The following FAM227B variants were observed in gnomAD, a reference collection of about 807,000 sequenced individuals.
FAM227B encodes the protein protein FAM227B.
In FAM227B, 88 loss-of-function variants were observed where a neutral mutation model predicts 73.8. The ratio of observed to expected loss-of-function variants is 1.19; its 90% CI spans 1.00 to 1.42. The LOEUF is 1.42. Among genes scored for constraint, FAM227B ranks in the 40% most tolerant of loss-of-function variants. FAM227B has a pLI of 0.00. For missense variants in FAM227B, 632 were observed against 590.9 expected, an observed-to-expected ratio of 1.07 and a Z score of -0.72; for synonymous variants, 210 against 190.5, an observed-to-expected ratio of 1.10 and a Z score of -0.84.
At chr15:49,434,681 T>TA (rs1328201380) in intron 11 of FAM227B, 2 of 151,598 alleles carry the variant, frequency 1.3e-5, no homozygotes, top group African/African-American at 4.8e-5. Flanking sequence ...ATTAAAAATA[T>TA]AAGAACATTT....
intron 11 of FAM227B, among the ~76,000 whole-genome samples, chr15:49,394,520 T>G (rs1217473102): frequency 4.6e-5 from 7 of 152,140 alleles, no homozygotes. Flanking sequence ...CTGACAGAAT[T>G]AAGGCCGATT....
chr15:49,615,648 T>C (rs564537632), intron 1 of FAM227B, among the ~76,000 whole-genome samples: 2 of 152,304 alleles, frequency 1.3e-5, no homozygotes, highest in African/African-American at 4.8e-5. Context: ...CTGTACAGCC[T>C]GTGGAACTGT....
At chr15:49,436,086 G>C (rs1486299513) in intron 11 of FAM227B, among the ~76,000 whole-genome samples, 1 of 151,384 alleles carries the variant, frequency 6.6e-6, no homozygotes, top group East Asian at 1.9e-4. Context: ...TCAGGAAACT[G>C]GCCAGCTTAA....
At chr15:49,542,643 T>A (rs1290490274) in intron 9 of FAM227B, among the ~76,000 whole-genome samples, 2 of 151,718 alleles carry the variant, frequency 1.3e-5, no homozygotes, top group Non-Finnish European at 2.9e-5. Flanking sequence ...TGCAGCTCCA[T>A]CCAGGTTGCT....
intron 11 of FAM227B, among the ~76,000 whole-genome samples, chr15:49,442,553 TC>T (rs1190916035): frequency 2.0e-5 from 3 of 151,734 alleles, no homozygotes; most frequent in African/African-American, 7.3e-5. Flanking sequence ...CTTTTCCAAT[TC>T]CCTTGTCACT....
intron 11 of FAM227B, among the ~76,000 whole-genome samples, chr15:49,432,034 A>G (rs2050668298): frequency 1.3e-5 from 2 of 151,738 alleles, no homozygotes; most frequent in Non-Finnish European, 3.0e-5. Context: ...AACTGTAATA[A>G]TCTTTGCTTA....
intron 9 of FAM227B, among the ~76,000 whole-genome samples, chr15:49,564,534 T>C (rs1170833767): frequency 1.3e-5 from 2 of 152,160 alleles, no homozygotes; most frequent in Non-Finnish European, 2.9e-5. Context: ...AAGACACATG[T>C]ACTTGTATGT....
chr15:49,393,556 A>T lies in FAM227B; in HGVS notation c.1013-22157T>A, dbSNP rs377682488. Among the ~76,000 whole-genome samples, 4 of 152,290 alleles carry T rather than the reference A, an allele frequency of 2.6e-5. No homozygotes were observed. The East Asian group carries it at 7.7e-4, about 29-fold the overall frequency. The stretch of plus-strand genomic sequence containing the variant: ...TAACAATATGCCTTAAAATAAGTCC[A>T]TATACCAAGATCAAATCTGCAAAAT... On this transcript the variant is annotated intron_variant, in intron 11 of 15. Transcript: ENST00000299338.
At chr15:49,547,066 G>A (rs924862449) in intron 9 of FAM227B, among the ~76,000 whole-genome samples, 2 of 152,204 alleles carry the variant, frequency 1.3e-5, no homozygotes, top group Non-Finnish European at 2.9e-5. Flanking sequence ...AAGCCCATCA[G>A]ACTAACAGCG....
rs766736019 is a variant in FAM227B at position 49,575,066 on chromosome 15, G to A, written c.590C>T (p.Ala197Val). The A allele has an allele frequency of 1.9e-6, 3 of 1,601,696 alleles. No individual in the cohort carries two copies. Among genetic ancestry groups the A allele is most frequent in the East Asian group, 4.5e-5 (2 of 44,182 alleles). Residue 197 changes from alanine to valine, a missense_variant, in exon 8 of 16, where the codon GCC becomes GTC. By Grantham distance (64) the Ala-to-Val change is moderately conservative. Transcript: ENST00000299338. The stretch of plus-strand genomic sequence containing the variant: ...GGAGTCATGCAAAAGAGCAATGGAG[G>A]CTTCTGAGAGAAAATGAGTCTTCCA... ...KIWKTHFLSE[A>V]SIALLHDSFW... is the part of the protein sequence containing the mutation.
intron 11 of FAM227B, among the ~76,000 whole-genome samples, chr15:49,411,081 T>G (rs1730759774): frequency 6.6e-6 from 1 of 150,460 alleles, no homozygotes; most frequent in South Asian, 2.1e-4. Context: ...TATAAAAAAG[T>G]GGAAAATAAA....
chr15:49,584,454 C>T (rs780734229), intron 5 of FAM227B, among the ~76,000 whole-genome samples: 1 of 152,112 alleles, frequency 6.6e-6, no homozygotes, highest in Non-Finnish European at 1.5e-5. Flanking sequence ...AAAACTGGCA[C>T]AAGAAAAGGA....
chr15:49,596,519 C>G (rs377193838), intron 3 of FAM227B, among the ~76,000 whole-genome samples: 13 of 151,410 alleles, frequency 8.6e-5, no homozygotes, highest in African/African-American at 3.1e-4. Context: ...AATAGAACAT[C>G]CTTAAGGCAT....
intron 3 of FAM227B, among the ~76,000 whole-genome samples, chr15:49,593,136 G>A (rs974789142): frequency 2.6e-5 from 4 of 152,156 alleles, no homozygotes; most frequent in Non-Finnish European, 4.4e-5. Context: ...GACCCCTTGC[G>A]CTTCCTGGGT....
chr15:49,366,582 T>A, intron 13 of FAM227B: 1 of 1,599,380 alleles, frequency 6.3e-7, no homozygotes, highest in Non-Finnish European at 8.6e-7. Context: ...GATGTGCCAT[T>A]TCCAGACGCA....
intron 10 of FAM227B, among the ~76,000 whole-genome samples, chr15:49,538,813 T>C (rs921792535): frequency 2.0e-5 from 3 of 152,080 alleles, no homozygotes; most frequent in African/African-American, 7.2e-5. Flanking sequence ...TAAATTCCTA[T>C]TTCTTCATTG....
chr15:49,522,525 A>T (rs1204408677), intron 10 of FAM227B, among the ~76,000 whole-genome samples: 2 of 152,196 alleles, frequency 1.3e-5, no homozygotes, highest in African/African-American at 4.8e-5. Context: ...CCCAAGACAA[A>T]GTTGAAAAAC....
At chr15:49,506,687 C>A (rs1360059266) in intron 11 of FAM227B, among the ~76,000 whole-genome samples, 1 of 151,648 alleles carries the variant, frequency 6.6e-6, no homozygotes, top group East Asian at 1.9e-4. Flanking sequence ...CAATACTTTT[C>A]TAAATAACCC....
intron 11 of FAM227B, among the ~76,000 whole-genome samples, chr15:49,391,378 C>T (rs552855289): frequency 1.3e-5 from 2 of 152,130 alleles, no homozygotes; most frequent in South Asian, 4.1e-4. Flanking sequence ...TAGCTAGCCT[C>T]GAGAAGTAAA....
Sources: allele counts gnomAD v4.1 joint callset (sites outside exome capture counted in the v4.1 genomes callset), GRCh38; gene constraint gnomAD v4.1.1; transcripts MANE v1.5; gene names NCBI Gene and HGNC (gene_info 2026-07-23, HGNC 2026-07-21).